The following FGFR4 variants were observed in gnomAD, a reference collection of about 807,000 sequenced individuals.
FGFR4 encodes the protein hydroxyaryl-protein kinase.
FGFR4 carries 63 observed loss-of-function variants against 89.9 expected under a neutral mutation model. That is an observed-to-expected ratio of 0.70 (90% CI 0.57 to 0.86). The LOEUF is 0.86. FGFR4 is among the 40% of genes least tolerant of loss of function. FGFR4 has a pLI of 0.00. For missense variants in FGFR4, 928 were observed against 1,106.7 expected, an observed-to-expected ratio of 0.84 and a Z score of 2.29; for synonymous variants, 486 against 479.4, an observed-to-expected ratio of 1.01 and a Z score of -0.18.
Position 177,095,391 on chromosome 5 carries a change from C to G in FGFR4, c.1581C>G (p.Ile527Met). The G allele has an allele frequency of 6.2e-7, 1 of 1,614,164 alleles. No homozygotes were observed. The highest frequency in any genetic ancestry group is 8.5e-7 in the Non-Finnish European group (1 of 1,180,022). Reference sequence around the variant, plus strand: ...CGGAGATGGAGGTGATGAAGCTGATCGGCCGACACAAGAACATCATCAACC... The same window carrying G: ...CGGAGATGGAGGTGATGAAGCTGATGGGCCGACACAAGAACATCATCAACC... ...LVSEMEVMKLIGRHKNIINLL... is the reference protein window; with the variant it reads ...LVSEMEVMKLMGRHKNIINLL... The change falls in exon 12 of 18, where the codon ATC becomes ATG. Residue 527 changes from isoleucine (I) to methionine (M), a missense_variant. Physicochemically the swap from Ile to Met is conservative, Grantham distance 10. This residue lies in a region of FGFR4 where 741 missense variants were observed against 836.9 expected (regional missense o/e 0.89). Coordinates refer to ENST00000292408, the MANE Select transcript of FGFR4 (RefSeq NM_213647.3). This position sits in a 1 kb window ranked among gnomAD's most constrained non-coding sequence, Gnocchi z 5.7.
At position 177,093,733 on chromosome 5, in the gene FGFR4, C is replaced by T. The variant is rs145163805; in HGVS notation, c.1477C>T (p.Arg493Trp). ...AGAGGCCTTTGGCATGGACCCTGCCCGGCCTGACCAAGCCAGCACTGTGGC... is the reference window on the plus strand; with the variant it reads ...AGAGGCCTTTGGCATGGACCCTGCCTGGCCTGACCAAGCCAGCACTGTGGC... ...RAEAFGMDPARPDQASTVAVK... is the reference protein window; with the variant it reads ...RAEAFGMDPAWPDQASTVAVK... Residue 493 changes from arginine (R) to tryptophan (W), a missense_variant, in exon 11 of 18, where the codon CGG (arginine) becomes TGG (tryptophan). By Grantham distance (101) the Arg-to-Trp change is moderately radical. Around this residue, in one of 5 missense-constraint regions of FGFR4, gnomAD observed 741 missense variants for 836.9 expected, o/e 0.89. Transcript: ENST00000292408. This position sits in a 1 kb window ranked among gnomAD's most constrained non-coding sequence, Gnocchi z 5.8. 30 of 1,613,724 alleles carry T rather than the reference C, an allele frequency of 1.9e-5. No homozygotes were observed. The highest frequency in any genetic ancestry group is 4.0e-5 in the African/African-American group (3 of 74,920).
At position 177,097,536 on chromosome 5, in the gene FGFR4, C is replaced by T. The variant is rs761719945; in HGVS notation, c.2269C>T (p.Leu757Phe). 7.4e-6 allele frequency: 12 copies of T among 1,613,462 alleles called. No homozygotes were observed. Among genetic ancestry groups the T allele is most frequent in the Admixed American group, 1.7e-5 (1 of 59,958 alleles). Residue 757 changes from leucine to phenylalanine, a missense_variant, in exon 18 of 18, where the codon CTC (leucine) becomes TTC (phenylalanine). Coordinates refer to ENST00000292408, the MANE Select transcript of FGFR4 (RefSeq NM_213647.3). ...LLAVSEEYLD[L>F]RLTFGPYSPS... Reference sequence around the variant, plus strand: ...GCTCCGTTCCCCACAGTACCTCGACCTCCGCCTGACCTTCGGACCCTATTC... The same window carrying T: ...GCTCCGTTCCCCACAGTACCTCGACTTCCGCCTGACCTTCGGACCCTATTC...
intron 7 of FGFR4, 49 bp from the exon 8 acceptor site, chr5:177,092,597 G>A (rs1394980550): frequency 1.3e-6 from 2 of 1,576,266 alleles, no homozygotes; most frequent in Non-Finnish European, 1.7e-6. Context: ...GTTGGCCACA[G>A]TGTGGCCCCA....
rs1582014533 is a variant in FGFR4 at position 177,093,660 on chromosome 5, G to A, written c.1404G>A (p.Val468=). The A allele has an allele frequency of 1.2e-6, 2 of 1,614,212 alleles. No homozygotes were observed. The highest frequency in any genetic ancestry group is 1.7e-6 in the Non-Finnish European group (2 of 1,180,032). ...PLWEFPRDRL[V]LGKPLGEGCF... is the part of the protein sequence containing the mutation. Reference sequence around the variant, plus strand: ...GGACTTTCTCCATCTCCAGGCTGGTGCTTGGGAAGCCCCTAGGCGAGGGCT... The same window carrying A: ...GGACTTTCTCCATCTCCAGGCTGGTACTTGGGAAGCCCCTAGGCGAGGGCT... Residue 468 remains valine (V), a synonymous_variant, in exon 11 of 18, where the codon GTG becomes GTA. Transcript: ENST00000292408. This position sits in a 1 kb window ranked among gnomAD's most constrained non-coding sequence, Gnocchi z 5.8.
Position 177,093,551 on chromosome 5 carries a change from G to A in FGFR4, c.1397G>A (p.Arg466Lys), listed in dbSNP as rs760016511. 5 of 1,613,320 alleles carry A rather than the reference G, an allele frequency of 3.1e-6. No individual in the cohort carries two copies. Among genetic ancestry groups the A allele is most frequent in the Non-Finnish European group, 3.4e-6 (4 of 1,179,604 alleles). Reference sequence around the variant, plus strand: ...CCACTATGGGAGTTCCCCCGGGACAGGTGCGCTGAGCTGTGTGGGGGCAGG... The same window carrying A: ...CCACTATGGGAGTTCCCCCGGGACAAGTGCGCTGAGCTGTGTGGGGGCAGG... ...LDPLWEFPRD[R>K]LVLGKPLGEG... The change falls in exon 10 of 18, where the codon AGG becomes AAG. Residue 466 changes from arginine (R) to lysine (K), a missense_variant and splice_region_variant. This residue lies in a region of FGFR4 where 741 missense variants were observed against 836.9 expected (regional missense o/e 0.89). Coordinates refer to ENST00000292408, the MANE Select transcript of FGFR4 (RefSeq NM_213647.3). The surrounding 1 kb of genome is among the most constrained non-coding windows in gnomAD (Gnocchi z 5.8).
Position 177,093,053 on chromosome 5 carries a change from GGAGGGACT to G in FGFR4, c.1058-81_1058-74del, listed in dbSNP as rs766515277. The G allele has an allele frequency of 1.9e-6, 3 of 1,554,018 alleles. No individual in the cohort carries two copies. The Admixed American group carries it at 5.1e-5, about 26-fold the overall frequency. On this transcript the variant is annotated intron_variant, in intron 8 of 17. Transcript: ENST00000292408. The surrounding 1 kb of genome is among the most constrained non-coding windows in gnomAD (Gnocchi z 5.8). ...GTGTCCCCACATATGTTGGGAGCTG[GGAGGGACT>G]GAGTTAGGGTGCACGGGGCGGCCAG...
chr5:177,096,819 C>G (rs1784584942), intron 16 of FGFR4, 78 bp downstream of exon 16: 18 of 1,518,262 alleles, frequency 1.2e-5, no homozygotes, highest in Non-Finnish European at 1.6e-5. Context: ...CAGGGTGTGT[C>G]CCGGCCAGAA....
intron 5 of FGFR4, among the ~76,000 whole-genome samples, chr5:177,091,412 T>C (rs1484646502): frequency 2.6e-5 from 4 of 152,180 alleles, no homozygotes; most frequent in Non-Finnish European, 5.9e-5. Flanking sequence ...CATGCTGTCA[T>C]GAGGCAACTG....
chr5:177,096,240 C>G, intron 14 of FGFR4, 47 bp from the exon 15 acceptor site: 1 of 1,613,176 alleles, frequency 6.2e-7, no homozygotes, highest in African/African-American at 1.3e-5. Context: ...GGGTGGCAGG[C>G]ACGAGGACCT....
Position 177,095,985 on chromosome 5 carries a change from C to G in FGFR4, c.1822-72C>G, listed in dbSNP as rs1307851841. On this transcript the variant is annotated intron_variant, in intron 13 of 17. Transcript: ENST00000292408. This position sits in a 1 kb window ranked among gnomAD's most constrained non-coding sequence, Gnocchi z 5.7. ...TGGGTGGAGGGCCCCTGCCCCCGGG[C>G]CTGCTGGGGGGTGGTGTGTGCTCAA... 1.3e-6 allele frequency: 2 copies of G among 1,552,332 alleles called. No individual in the cohort carries two copies. Among genetic ancestry groups the G allele is most frequent in the Non-Finnish European group, 1.7e-6 (2 of 1,148,932 alleles).
intron 6 of FGFR4, 113 bp from the exon 7 acceptor site, chr5:177,092,208 C>G: frequency 9.0e-7 from 1 of 1,116,250 alleles, no homozygotes; most frequent in Non-Finnish European, 1.2e-6. Context: ...AGGAGACAGA[C>G]AAGAAGCTGC....
At position 177,093,586 on chromosome 5, in the gene FGFR4, G is replaced by C; in HGVS notation, c.1397+35G>C. Reference sequence around the variant, plus strand: ...GCTGTGTGGGGGCAGGGACGCGGGCGCCGGGTTGCAGCCCGCCCTCCGCAG... The same window carrying C: ...GCTGTGTGGGGGCAGGGACGCGGGCCCCGGGTTGCAGCCCGCCCTCCGCAG... On this transcript the variant is annotated intron_variant, in intron 10 of 17. Coordinates refer to ENST00000292408, the MANE Select transcript of FGFR4 (RefSeq NM_213647.3). This position sits in a 1 kb window ranked among gnomAD's most constrained non-coding sequence, Gnocchi z 5.8. 1 of 1,612,186 alleles carries C rather than the reference G, an allele frequency of 6.2e-7. No individual in the cohort carries two copies. Among genetic ancestry groups the C allele is most frequent in the South Asian group, 1.1e-5 (1 of 91,006 alleles).
rs149790098 is a variant in FGFR4, at chr5:177,093,442, T to C, written c.1288T>C (p.Ser430Pro). Residue 430 changes from serine (S) to proline (P), a missense_variant, in exon 10 of 18, where the codon TCA (serine) becomes CCA (proline). Coordinates refer to ENST00000292408, the MANE Select transcript of FGFR4 (RefSeq NM_213647.3). This position sits in a 1 kb window ranked among gnomAD's most constrained non-coding sequence, Gnocchi z 5.8. ...LESGSSGKSS[S>P]SLVRGVRLSS... ...GTCAGGCTCTTCCGGCAAGTCAAGCTCATCCCTGGTACGAGGCGTGCGTCT... is the reference window on the plus strand; with the variant it reads ...GTCAGGCTCTTCCGGCAAGTCAAGCCCATCCCTGGTACGAGGCGTGCGTCT... 65 of 1,614,052 alleles carry C rather than the reference T, an allele frequency of 4.0e-5. No homozygotes were observed. The African/African-American group carries it at 7.5e-4, about 19-fold the overall frequency.
chr5:177,093,887 C>G lies in FGFR4; in HGVS notation c.1519+112C>G. The G allele has an allele frequency of 8.2e-7, 1 of 1,225,654 alleles. No individual in the cohort carries two copies. Among genetic ancestry groups the G allele is most frequent in the Non-Finnish European group, 1.1e-6 (1 of 892,910 alleles). The allele number at this position is 1,225,654 out of a possible 1,614,324, so 75.9% of individuals were successfully genotyped here. A position where few individuals can be genotyped will look rare whatever the true frequency, so the allele number is the denominator to read the frequency against. On this transcript the variant is annotated intron_variant, in intron 11 of 17. Transcript: ENST00000292408. The surrounding 1 kb of genome is among the most constrained non-coding windows in gnomAD (Gnocchi z 5.8). The stretch of plus-strand genomic sequence containing the variant: ...TTCGAGGCCAGCCTGGGCAACATGG[C>G]AAGACTTCATCTCTACAAAAAAAAA...
intron 17 of FGFR4, 30 bp downstream of exon 17, chr5:177,097,427 C>T: frequency 6.2e-7 from 1 of 1,605,698 alleles, no homozygotes; most frequent in Non-Finnish European, 8.5e-7. Flanking sequence ...CCACCTCCCT[C>T]TGCCTGCTCC....
chr5:177,093,773 A>G lies in FGFR4; in HGVS notation c.1517A>G (p.Lys506Arg). ...AGCACTGTGGCCGTCAAGATGCTCA[A>G]AGGTGAGTGTGGCCCGGTGTGGTGG... is the stretch of plus-strand genomic sequence containing the variant. ...QASTVAVKML[K>R]DNASDKDLAD... The change falls in exon 11 of 18, where the codon AAA (lysine) becomes AGA (arginine). Residue 506 changes from lysine to arginine, a missense_variant and splice_region_variant. By Grantham distance (26) the Lys-to-Arg change is conservative. Coordinates refer to ENST00000292408, the MANE Select transcript of FGFR4 (RefSeq NM_213647.3). The surrounding 1 kb of genome is among the most constrained non-coding windows in gnomAD (Gnocchi z 5.8). 6.2e-7 allele frequency: 1 copy of G among 1,612,066 alleles called. No individual in the cohort carries two copies. Among genetic ancestry groups the G allele is most frequent in the Non-Finnish European group, 8.5e-7 (1 of 1,179,230 alleles).
intron 4 of FGFR4, 30 bp downstream of exon 4, chr5:177,090,855 C>G: frequency 6.2e-7 from 1 of 1,613,894 alleles, no homozygotes; most frequent in Non-Finnish European, 8.5e-7. Context: ...CTTGTGTCCC[C>G]GCTGCTGCTC....
chr5:177,092,284 C>A, intron 6 of FGFR4, 37 bp from the exon 7 acceptor site: 1 of 1,508,446 alleles, frequency 6.6e-7, no homozygotes, highest in South Asian at 1.3e-5. Context: ...TCTATGGGTG[C>A]CGGTGGTCAG....
chr5:177,093,044 T>A lies in FGFR4; in HGVS notation c.1058-94T>A. 1.3e-6 allele frequency: 2 copies of A among 1,506,192 alleles called. No individual in the cohort carries two copies. The highest frequency in any genetic ancestry group is 1.8e-6 in the Non-Finnish European group (2 of 1,087,706). 93.3% of individuals were successfully genotyped at this position (1,506,192 alleles called of 1,614,324 possible). A position where few individuals can be genotyped will look rare whatever the true frequency, so the allele number is the denominator to read the frequency against. On this transcript the variant is annotated intron_variant, in intron 8 of 17. Coordinates refer to ENST00000292408, the MANE Select transcript of FGFR4 (RefSeq NM_213647.3). The surrounding 1 kb of genome is among the most constrained non-coding windows in gnomAD (Gnocchi z 5.8). ...CCTCCGTGTGTGTCCCCACATATGT[T>A]GGGAGCTGGGAGGGACTGAGTTAGG...
Sources: allele counts gnomAD v4.1 joint callset (sites outside exome capture counted in the v4.1 genomes callset), GRCh38; gene constraint gnomAD v4.1.1; regional missense constraint gnomAD v4.1.1; non-coding constraint Gnocchi (gnomAD v3.1); transcripts MANE v1.5; gene names NCBI Gene and HGNC (gene_info 2026-07-23, HGNC 2026-07-21).